The following GRM8 variants were observed in gnomAD, a reference collection of about 807,000 sequenced individuals.
The protein encoded by GRM8 is metabotropic glutamate receptor 8.
Under a neutral mutation model 87.2 loss-of-function variants are expected in GRM8, and 47 were observed. The ratio of observed to expected loss-of-function variants is 0.54; its 90% CI spans 0.43 to 0.69. The LOEUF (loss-of-function observed/expected upper bound fraction) is 0.69, where lower values mean the gene tolerates loss of function less well. Ranked by LOEUF, GRM8 falls within the 30% of genes least tolerant of loss-of-function variation. GRM8 has a pLI of 0.00. For synonymous variants in GRM8, 396 were observed against 404.5 expected (o/e 0.98, Z 0.25); for missense variants, 1,019 against 1,139.2 (o/e 0.89, Z 1.52).
intron 7 of GRM8, among the ~76,000 whole-genome samples, chr7:126,610,439 C>A (rs1798808140): frequency 6.6e-6 from 1 of 152,128 alleles, no homozygotes; most frequent in South Asian, 2.1e-4. Flanking sequence ...CTTCCCTCTG[C>A]AGGCCTTTTA....
At chr7:126,456,313 T>G (rs1338412521) in intron 9 of GRM8, among the ~76,000 whole-genome samples, 1 of 151,336 alleles carries the variant, frequency 6.6e-6, no homozygotes, top group Non-Finnish European at 1.5e-5. Context: ...GTACTGATTC[T>G]ACATAGGAAA....
chr7:126,638,109 T>C (rs1802035558), intron 7 of GRM8, among the ~76,000 whole-genome samples: 2 of 152,162 alleles, frequency 1.3e-5, no homozygotes, highest in Admixed American at 1.3e-4. Flanking sequence ...GGGTGTGATA[T>C]GATTTTTTTA....
At chr7:126,995,530 C>T (rs79421295) in intron 3 of GRM8, among the ~76,000 whole-genome samples, 42 of 152,246 alleles carry the variant, frequency 2.8e-4, no homozygotes, top group Non-Finnish European at 4.6e-4. Flanking sequence ...TAAAAAGAAT[C>T]AAGCAGAAAT....
chr7:126,574,104 T>A lies in GRM8; in HGVS notation c.1494+35258A>T, dbSNP rs150917193. ...AAAAACTTCAAAAGAAATTAAGAAG[T>A]AAAACTTAAAACACCATTTTAAATG... On this transcript the variant is annotated intron_variant, in intron 8 of 10. Coordinates refer to ENST00000339582, the MANE Select transcript of GRM8 (RefSeq NM_000845.3). Among the ~76,000 whole-genome samples, 643 of 152,218 alleles carry A rather than the reference T, an allele frequency of 4.2e-3. 10 individuals carry two copies. The highest frequency in any genetic ancestry group is 0.042 in the South Asian group (202 of 4,822).
intron 9 of GRM8, among the ~76,000 whole-genome samples, chr7:126,481,675 T>C (rs780547822): frequency 6.6e-6 from 1 of 151,986 alleles, no homozygotes; most frequent in African/African-American, 2.4e-5. Flanking sequence ...CTGTCACAGA[T>C]TGAAAAAAAC....
chr7:127,037,583 C>A (rs1274307718), intron 3 of GRM8, among the ~76,000 whole-genome samples: 1 of 152,210 alleles, frequency 6.6e-6, no homozygotes, highest in Non-Finnish European at 1.5e-5. Flanking sequence ...TACCATCCTG[C>A]TGCATCCATC....
chr7:126,517,014 A>T (rs1332910160), intron 9 of GRM8, among the ~76,000 whole-genome samples: 1 of 152,078 alleles, frequency 6.6e-6, no homozygotes, highest in Non-Finnish European at 1.5e-5. Context: ...ACTTAGTCAT[A>T]TTACGGTCAT....
At chr7:126,647,081 A>C (rs1260158256) in intron 7 of GRM8, among the ~76,000 whole-genome samples, 1 of 152,074 alleles carries the variant, frequency 6.6e-6, no homozygotes, top group Non-Finnish European at 1.5e-5. Context: ...TGCAAACTTC[A>C]CAGTATCTTT....
chr7:126,593,044 A>G (rs1404823587), intron 8 of GRM8, among the ~76,000 whole-genome samples: 1 of 152,008 alleles, frequency 6.6e-6, no homozygotes, highest in Admixed American at 6.6e-5. Context: ...TTTGTGAATA[A>G]ACTTAACGAG....
At chr7:127,191,500 C>T (rs1485178296) in intron 2 of GRM8, among the ~76,000 whole-genome samples, 1 of 151,990 alleles carries the variant, frequency 6.6e-6, no homozygotes, top group Admixed American at 6.6e-5. Context: ...TGCTGAAGAC[C>T]AGGACCTTTT....
chr7:126,749,442 G>C (rs1285755469), intron 7 of GRM8, among the ~76,000 whole-genome samples: 5 of 151,762 alleles, frequency 3.3e-5, no homozygotes, highest in Admixed American at 6.6e-5. Flanking sequence ...TTCATTTTTA[G>C]AAAGTTGACA....
chr7:126,455,042 T>C (rs1465320529), intron 9 of GRM8, among the ~76,000 whole-genome samples: 4 of 151,698 alleles, frequency 2.6e-5, no homozygotes. Context: ...TGTCTGATAT[T>C]GATTAAAACG....
At chr7:127,155,909 C>T (rs1418888350) in intron 2 of GRM8, among the ~76,000 whole-genome samples, 1 of 152,104 alleles carries the variant, frequency 6.6e-6, no homozygotes, top group African/African-American at 2.4e-5. Flanking sequence ...CAACAGAAGG[C>T]TAAACTTGTG....
At chr7:127,040,643 T>C (rs1367978064) in intron 3 of GRM8, among the ~76,000 whole-genome samples, 2 of 150,816 alleles carry the variant, frequency 1.3e-5, no homozygotes, top group South Asian at 2.1e-4. Flanking sequence ...AAATTAATAA[T>C]GTAAATAAGG....
chr7:126,478,339 C>A (rs13239396), intron 9 of GRM8, among the ~76,000 whole-genome samples: 46,884 of 151,926 alleles, frequency 0.31, 8,070 homozygotes, highest in Non-Finnish European at 0.37. Flanking sequence ...CCATCTTGAG[C>A]AAGGTAAAAC....
At chr7:127,121,110 TGCA>T (rs1827061654) in intron 2 of GRM8, among the ~76,000 whole-genome samples, 1 of 152,230 alleles carries the variant, frequency 6.6e-6, no homozygotes. Flanking sequence ...AGCATTTATA[TGCA>T]GCAGGATAAT....
At chr7:127,243,667 G>A (rs1309657503) in intron 1 of GRM8, among the ~76,000 whole-genome samples, 152 bp from the exon 2 acceptor site, 1 of 152,114 alleles carries the variant, frequency 6.6e-6, no homozygotes, top group Non-Finnish European at 1.5e-5. Context: ...ACACCTGGCT[G>A]CACTGCATCT....
At chr7:126,635,807 G>A (rs181631635) in intron 7 of GRM8, among the ~76,000 whole-genome samples, 23 of 152,190 alleles carry the variant, frequency 1.5e-4, no homozygotes, top group African/African-American at 5.1e-4. Context: ...AGACACACTT[G>A]TTAAAGGACT....
chr7:126,538,584 C>T (rs1013683242), intron 8 of GRM8, among the ~76,000 whole-genome samples: 8 of 151,974 alleles, frequency 5.3e-5, no homozygotes, highest in South Asian at 2.1e-4. Flanking sequence ...TCATACCATT[C>T]TTAACACATT....
Sources: gnomAD v4.1 joint callset for allele counts (sites outside exome capture counted in the v4.1 genomes callset) on GRCh38, gnomAD v4.1.1 for gene constraint, MANE v1.5 for transcripts, NCBI Gene and HGNC (gene_info 2026-07-23, HGNC 2026-07-21) for gene names.